The following ANO2 variants were observed in gnomAD, a reference collection of about 807,000 sequenced individuals.
The protein encoded by ANO2 is anoctamin-2.
In ANO2, 101 loss-of-function variants were observed where a neutral mutation model predicts 124.2. The observed-to-expected ratio is 0.81, with a 90% CI of 0.69 to 0.96. ANO2 has a LOEUF of 0.96. Among genes scored for constraint, ANO2 ranks in the 40% least tolerant of loss-of-function variants. The probability of loss-of-function intolerance (pLI) is 0.00; values close to 1 mark genes in which losing one functional copy is unlikely to be tolerated. For missense variants in ANO2, 1,293 were observed against 1,274.5 expected (o/e 1.01, Z -0.22); for synonymous variants, 486 against 482.5 (o/e 1.01, Z -0.09).
chr12:5,798,271 G>T (rs917028617), intron 10 of ANO2, among the ~76,000 whole-genome samples: 2 of 151,964 alleles, frequency 1.3e-5, no homozygotes, highest in Admixed American at 6.6e-5. Context: ...CACAGGCCCC[G>T]CATGTCCCTG....
intron 3 of ANO2, among the ~76,000 whole-genome samples, chr12:5,886,045 G>T (rs1400126005): frequency 6.6e-6 from 1 of 152,192 alleles, no homozygotes; most frequent in Non-Finnish European, 1.5e-5. Context: ...CCTGGCCTGG[G>T]ACTCCGGAAC....
chr12:5,860,455 G>GT (rs2137264206), intron 3 of ANO2, among the ~76,000 whole-genome samples: 1 of 152,318 alleles, frequency 6.6e-6, no homozygotes, highest in East Asian at 1.9e-4. Context: ...CTGACGTATA[G>GT]TAAGTGCTCA....
chr12:5,832,430 C>T (rs370121697), intron 5 of ANO2, 22 bp downstream of exon 5: 3 of 1,613,482 alleles, frequency 1.9e-6, no homozygotes, highest in African/African-American at 2.7e-5. Flanking sequence ...CACATCTCTG[C>T]TCCAGCAGCT....
At chr12:5,645,498 A>G (rs1290443541) in intron 15 of ANO2, among the ~76,000 whole-genome samples, 1 of 152,070 alleles carries the variant, frequency 6.6e-6, no homozygotes, top group Non-Finnish European at 1.5e-5. Flanking sequence ...TATATATAAC[A>G]ATAATATTTT....
chr12:5,782,302 C>A (rs1394177658), intron 10 of ANO2, among the ~76,000 whole-genome samples: 1 of 152,078 alleles, frequency 6.6e-6, no homozygotes, highest in African/African-American at 2.4e-5. Flanking sequence ...TTTTTTCAAC[C>A]TTTTTAACAT....
At chr12:5,894,742 T>C (rs1939653154) in intron 3 of ANO2, among the ~76,000 whole-genome samples, 1 of 152,244 alleles carries the variant, frequency 6.6e-6, no homozygotes, top group South Asian at 2.1e-4. Context: ...ATTTATTAAA[T>C]AGGGAATCCT....
intron 7 of ANO2, among the ~76,000 whole-genome samples, chr12:5,827,395 A>G (rs1186890639): frequency 1.3e-5 from 2 of 152,216 alleles, no homozygotes; most frequent in Admixed American, 6.5e-5. Flanking sequence ...AGAAGGCTGG[A>G]CTAAAGGACC....
In ANO2 at chr12:5,617,796, T is replaced by C. The variant is rs533158462; in HGVS notation, c.1817-2499A>G. Among the ~76,000 whole-genome samples, 51 of 152,388 alleles carry C rather than the reference T, an allele frequency of 3.3e-4. 1 individual carries two copies. The South Asian group carries it at 0.011, about 32-fold the overall frequency. The stretch of plus-strand genomic sequence containing the variant: ...GTGCCACGCTCTCTTTCCGGAAGCG[T>C]TACTACATGCCTTCAGCAGGTAGTT... On this transcript the variant is annotated intron_variant, in intron 16 of 24. Transcript: ENST00000682330.
At chr12:5,565,438 G>T in intron 24 of ANO2, 120 bp downstream of exon 24, 1 of 892,984 alleles carries the variant, frequency 1.1e-6, no homozygotes, top group Non-Finnish European at 1.7e-6. Flanking sequence ...TGCCACACAT[G>T]AAGCTTTCTT....
chr12:5,854,115 G>C lies in ANO2; in HGVS notation c.561C>G (p.Val187=). 1 of 1,613,214 alleles carries C rather than the reference G, an allele frequency of 6.2e-7. No homozygotes were observed. The highest frequency in any genetic ancestry group is 8.5e-7 in the Non-Finnish European group (1 of 1,179,458). ...GCACCTGCCACGGGGCGTGTATCCGGACAAAGATGGATCCCTGGCTTTTAT... is the reference window on the plus strand; with the variant it reads ...GCACCTGCCACGGGGCGTGTATCCGCACAAAGATGGATCCCTGGCTTTTAT... ...LENKSQGSIF[V]RIHAPWQVLA... is the part of the protein sequence containing the mutation. Residue 187 remains valine (V), a synonymous_variant, in exon 4 of 25, where the codon GTC becomes GTG. Coordinates refer to ENST00000682330, the MANE Select transcript of ANO2 (RefSeq NM_001364791.2).
In ANO2 at chr12:5,819,567, T is replaced by G. The variant is rs116235596; in HGVS notation, c.892+8202A>C. Among the ~76,000 whole-genome samples the G allele has an allele frequency of 6.5e-3, 992 of 152,274 alleles. 13 individuals are homozygous for G. Among genetic ancestry groups the G allele is most frequent in the African/African-American group, 0.023 (956 of 41,562 alleles). On this transcript the variant is annotated intron_variant, in intron 7 of 24. Transcript: ENST00000682330. ...TGTGGTGAGCTGAAAATGCCTGATC[T>G]CCCTTGGTTTAACGTAGAGGAAGAG...
At chr12:5,868,331 C>A (rs562666892) in intron 3 of ANO2, among the ~76,000 whole-genome samples, 1 of 152,216 alleles carries the variant, frequency 6.6e-6, no homozygotes, top group East Asian at 1.9e-4. Flanking sequence ...CTCAGAGAGA[C>A]CCTGCTGAAA....
intron 14 of ANO2, among the ~76,000 whole-genome samples, chr12:5,701,870 C>G (rs945517780): frequency 1.4e-4 from 22 of 152,308 alleles, no homozygotes; most frequent in African/African-American, 5.3e-4. Flanking sequence ...AGAGCTTTCT[C>G]TAGCATCTCA....
chr12:5,705,804 T>G (rs1949585257), intron 14 of ANO2, among the ~76,000 whole-genome samples: 2 of 152,210 alleles, frequency 1.3e-5, no homozygotes, highest in Admixed American at 6.5e-5. Context: ...ATTTAATTTA[T>G]GACAATCTCC....
rs762094082 is a variant in ANO2 at position 5,732,512 on chromosome 12, C to T, written c.1545+8G>A. 70 of 1,608,652 alleles carry T rather than the reference C, an allele frequency of 4.4e-5. No homozygotes were observed. Among genetic ancestry groups the T allele is most frequent in the Non-Finnish European group, 5.4e-5 (63 of 1,177,262 alleles). On this transcript the variant is annotated splice_region_variant and intron_variant, in intron 14 of 24. Coordinates refer to ENST00000682330, the MANE Select transcript of ANO2 (RefSeq NM_001364791.2). ...AGAGGACCGTGAGCAGCAAGTCCAG[C>T]TTCATACCTCATCGCCACACTCCGT... is the stretch of plus-strand genomic sequence containing the variant.
At chr12:5,641,018 T>A (rs984251345) in intron 15 of ANO2, among the ~76,000 whole-genome samples, 1 of 152,194 alleles carries the variant, frequency 6.6e-6, no homozygotes, top group Non-Finnish European at 1.5e-5. Context: ...ATGTGGCACA[T>A]ATACACCATG....
chr12:5,711,416 G>A (rs1591967789), intron 14 of ANO2, among the ~76,000 whole-genome samples: 1 of 152,142 alleles, frequency 6.6e-6, no homozygotes, highest in South Asian at 2.1e-4. Flanking sequence ...GGCCTCCCCA[G>A]CGGCCAAGCA....
At chr12:5,637,844 C>T (rs1325793742) in intron 15 of ANO2, among the ~76,000 whole-genome samples, 1 of 152,112 alleles carries the variant, frequency 6.6e-6, no homozygotes, top group Non-Finnish European at 1.5e-5. Context: ...TTTGGTGTTT[C>T]CCAGAGCATC....
intron 4 of ANO2, among the ~76,000 whole-genome samples, chr12:5,844,750 G>A (rs540875781): frequency 9.9e-5 from 15 of 152,178 alleles, no homozygotes; most frequent in African/African-American, 2.9e-4. Context: ...CCCAGAGTAT[G>A]TTCTGCAGAA....
Sources: gnomAD v4.1 joint callset for allele counts (sites outside exome capture counted in the v4.1 genomes callset) on GRCh38, gnomAD v4.1.1 for gene constraint, MANE v1.5 for transcripts, NCBI Gene and HGNC (gene_info 2026-07-23, HGNC 2026-07-21) for gene names.